HSPA4: variants seen among roughly 807,000 people sequenced by gnomAD.
The protein encoded by HSPA4 is heat shock 70 kDa protein 4.
In HSPA4, 25 loss-of-function variants were observed where a neutral mutation model predicts 106.2. That is an observed-to-expected ratio of 0.24 (90% CI 0.17 to 0.33). HSPA4 has a LOEUF of 0.33. HSPA4 is among the 10% of genes least tolerant of loss of function. The pLI, the probability that HSPA4 is intolerant of heterozygous loss-of-function variation, is 1.00. For synonymous variants in HSPA4, 332 were observed against 333.6 expected, an observed-to-expected ratio of 1.00 and a Z score of 0.05; for missense variants, 841 against 996.0, an observed-to-expected ratio of 0.84 and a Z score of 2.10.
chr5:133,104,593 C>A lies in HSPA4; in HGVS notation c.*157C>A. On this transcript the variant is annotated 3_prime_UTR_variant, in exon 19 of 19. Transcript: ENST00000304858. ...AAATAGGTAATGTATGGAGCATTTT[C>A]ACTTCTAAATAGTTAGATACAGAAA... 1 of 629,900 alleles carries A rather than the reference C, an allele frequency of 1.6e-6. No individual in the cohort carries two copies. Among genetic ancestry groups the A allele is most frequent in the Non-Finnish European group, 2.8e-6 (1 of 360,818 alleles). 39.0% of individuals were successfully genotyped at this position (629,900 alleles called of 1,614,324 possible).
Position 133,084,137 on chromosome 5 carries a change from T to C in HSPA4, c.909-2645T>C, listed in dbSNP as rs186494751. On this transcript the variant is annotated intron_variant, in intron 7 of 18. Coordinates refer to ENST00000304858, the MANE Select transcript of HSPA4 (RefSeq NM_002154.4). ...AACCACTGATGTGCTTTTTGTATTTTTCAGTCCCTAGATTAAGTTTGCCAA... is the reference window on the plus strand; with the variant it reads ...AACCACTGATGTGCTTTTTGTATTTCTCAGTCCCTAGATTAAGTTTGCCAA... Among the ~76,000 whole-genome samples, 6 of 152,344 alleles carry C rather than the reference T, an allele frequency of 3.9e-5. No individual in the cohort carries two copies. In the East Asian group the frequency reaches 1.2e-3, roughly 29 times the overall value.
chr5:133,056,615 GT>G (rs1765169096), intron 1 of HSPA4, among the ~76,000 whole-genome samples: 1 of 152,174 alleles, frequency 6.6e-6, no homozygotes, highest in African/African-American at 2.4e-5. Flanking sequence ...CTTCAAACAG[GT>G]TATTTCTAAC....
chr5:133,087,644 A>G (rs1042441418), intron 8 of HSPA4, among the ~76,000 whole-genome samples: 4 of 152,070 alleles, frequency 2.6e-5, no homozygotes, highest in African/African-American at 9.7e-5. Context: ...ATTTTTTGAG[A>G]TGGGAGTCTT....
chr5:133,100,008 A>T (rs1765764570), intron 16 of HSPA4, among the ~76,000 whole-genome samples: 1 of 152,064 alleles, frequency 6.6e-6, no homozygotes, highest in Non-Finnish European at 1.5e-5. Flanking sequence ...TTCTTGATAA[A>T]AGCAAAGCAT....
At chr5:133,083,765 A>G in intron 7 of HSPA4, among the ~76,000 whole-genome samples, 1 of 152,072 alleles carries the variant, frequency 6.6e-6, no homozygotes, top group East Asian at 1.9e-4. Context: ...TTGAACTCCC[A>G]GCCTCAGGTG....
At chr5:133,063,629 G>A (rs1195218404) in intron 1 of HSPA4, among the ~76,000 whole-genome samples, 11 of 151,724 alleles carry the variant, frequency 7.3e-5, no homozygotes, top group African/African-American at 2.4e-4. Context: ...GACGGGGTTT[G>A]ATCATGTGGG....
intron 7 of HSPA4, among the ~76,000 whole-genome samples, chr5:133,079,705 T>C (rs1185971846): frequency 6.6e-6 from 1 of 152,204 alleles, no homozygotes. Flanking sequence ...AAACTATATT[T>C]CTCAGTGATT....
intron 4 of HSPA4, among the ~76,000 whole-genome samples, chr5:133,072,564 T>TA (rs1765397541): frequency 1.5e-5 from 2 of 137,878 alleles, no homozygotes; most frequent in African/African-American, 5.9e-5. Context: ...AGTGGTTTAT[T>TA]TTTTTTTTTT....
At chr5:133,053,341 T>C (rs1287710782) in intron 1 of HSPA4, among the ~76,000 whole-genome samples, 1 of 148,516 alleles carries the variant, frequency 6.7e-6, no homozygotes, top group African/African-American at 2.5e-5. Flanking sequence ...TTTTTTTTTT[T>C]TTTTTTCTTT....
rs1765724743 is a variant in HSPA4 at position 133,097,297 on chromosome 5, C to A, written c.1929+11C>A. The A allele has an allele frequency of 6.2e-7, 1 of 1,609,636 alleles. No homozygotes were observed. Among genetic ancestry groups the A allele is most frequent in the Non-Finnish European group, 8.5e-7 (1 of 1,176,726 alleles). On this transcript the variant is annotated intron_variant, in intron 15 of 18. Transcript: ENST00000304858. Reference sequence around the variant, plus strand: ...TTTGTGAGTGAAGATGTAAGTCTGCCACAATATGCCTAACTACTGTGTGTC... The same window carrying A: ...TTTGTGAGTGAAGATGTAAGTCTGCAACAATATGCCTAACTACTGTGTGTC...
chr5:133,086,268 T>G (rs1408524892), intron 7 of HSPA4, among the ~76,000 whole-genome samples: 1 of 119,990 alleles, frequency 8.3e-6, no homozygotes, highest in Admixed American at 7.4e-5. Flanking sequence ...CCTTCCCATC[T>G]CTTCTTCTTC....
intron 1 of HSPA4, among the ~76,000 whole-genome samples, chr5:133,057,246 G>T (rs1322107466): frequency 6.6e-6 from 1 of 151,892 alleles, no homozygotes; most frequent in Non-Finnish European, 1.5e-5. Context: ...CCTATCAGTT[G>T]TATGTGATAG....
At chr5:133,063,770 G>GT (rs1022689771) in intron 1 of HSPA4, among the ~76,000 whole-genome samples, 1 of 149,782 alleles carries the variant, frequency 6.7e-6, no homozygotes, top group Non-Finnish European at 1.5e-5. Flanking sequence ...TTTTTTGTTT[G>GT]TTTTGTTTTT....
rs189780652 is a variant in HSPA4 at position 133,057,998 on chromosome 5, G to C, written c.107+5641G>C. 5.8e-4 allele frequency among the ~76,000 whole-genome samples: 89 copies of C among 152,328 alleles called. 1 individual carries two copies. The highest frequency in any genetic ancestry group is 2.1e-3 in the African/African-American group (87 of 41,568). On this transcript the variant is annotated intron_variant, in intron 1 of 18. Coordinates refer to ENST00000304858, the MANE Select transcript of HSPA4 (RefSeq NM_002154.4). ...TTCAAAGGAGATGTAAGCAGTGGAG[G>C]CTAAACTGATGAGGAAAGGCTGGAG...
chr5:133,052,426 TCGCTGCTTGGGGAACGCGGG>T, intron 1 of HSPA4, 69 bp downstream of exon 1: 1 of 1,100,160 alleles, frequency 9.1e-7, no homozygotes, highest in South Asian at 1.6e-5. Context: ...TCTGGGACCC[TCGCTGCTTGGGGAACGCGGG>T]CCGAGGAGTC....
At chr5:133,063,461 G>A (rs562508557) in intron 1 of HSPA4, among the ~76,000 whole-genome samples, 1 of 151,056 alleles carries the variant, frequency 6.6e-6, no homozygotes, top group African/African-American at 2.4e-5. Flanking sequence ...ACGGAGTCTC[G>A]CTGTTGTTGC....
At chr5:133,095,609 CCCT>C (rs551878721) in intron 13 of HSPA4, among the ~76,000 whole-genome samples, 37 of 151,878 alleles carry the variant, frequency 2.4e-4, no homozygotes, top group African/African-American at 7.7e-4. Context: ...ATATTTCATA[CCCT>C]CCTCCTCACT....
At chr5:133,078,315 G>GT (rs1396072767) in intron 7 of HSPA4, among the ~76,000 whole-genome samples, 1 of 149,136 alleles carries the variant, frequency 6.7e-6, no homozygotes, top group Admixed American at 6.7e-5. Flanking sequence ...CTGGGCGACA[G>GT]TGAGACTCCG....
At chr5:133,098,452 C>T (rs1223703429) in intron 15 of HSPA4, among the ~76,000 whole-genome samples, 2 of 151,660 alleles carry the variant, frequency 1.3e-5, no homozygotes, top group African/African-American at 4.8e-5. Flanking sequence ...GCCGGGAGTA[C>T]AGGTGCCTGC....
Sources: gnomAD v4.1 joint callset for allele counts (sites outside exome capture counted in the v4.1 genomes callset) on GRCh38, gnomAD v4.1.1 for gene constraint, MANE v1.5 for transcripts, NCBI Gene and HGNC (gene_info 2026-07-23, HGNC 2026-07-21) for gene names.